The following SYT1 variants were observed in gnomAD, a reference collection of about 807,000 sequenced individuals.
The protein encoded by SYT1 is synaptotagmin 1.
Under a neutral mutation model 44.8 loss-of-function variants are expected in SYT1, and 8 were observed. The ratio of observed to expected loss-of-function variants is 0.18; its 90% CI spans 0.10 to 0.32. SYT1 has a LOEUF of 0.32. SYT1 is among the 10% of genes least tolerant of loss of function. The probability of loss-of-function intolerance (pLI) is 1.00; values close to 1 mark genes in which losing one functional copy is unlikely to be tolerated. For synonymous variants in SYT1, 154 were observed against 188.8 expected, an observed-to-expected ratio of 0.82 and a Z score of 1.51; for missense variants, 286 against 509.3, an observed-to-expected ratio of 0.56 and a Z score of 4.22.
intron 1 of SYT1, among the ~76,000 whole-genome samples, chr12:78,886,620 T>C (rs755641569): frequency 1.3e-5 from 2 of 152,044 alleles, no homozygotes; most frequent in Non-Finnish European, 2.9e-5. Context: ...ATGTTTTTAA[T>C]ACACAGTCAG....
rs369033907 is a variant in SYT1 at position 79,276,632 on chromosome 12, C to T, written c.167-9155C>T. On this transcript the variant is annotated intron_variant, in intron 4 of 10. Coordinates refer to ENST00000261205, the MANE Select transcript of SYT1 (RefSeq NM_005639.3). ...CAGAGGTTGCAGTGAGCTAAGATCG[C>T]GCCACTGCACTCTAGCCTGGTGACA... is the stretch of plus-strand genomic sequence containing the variant. 4.7e-4 allele frequency among the ~76,000 whole-genome samples: 70 copies of T among 149,980 alleles called. 1 individual carries two copies. The highest frequency in any genetic ancestry group is 3.4e-3 in the Middle Eastern group (1 of 292).
At chr12:79,010,429 G>A (rs1871340773) in intron 2 of SYT1, among the ~76,000 whole-genome samples, 1 of 152,112 alleles carries the variant, frequency 6.6e-6, no homozygotes, top group Non-Finnish European at 1.5e-5. Flanking sequence ...TGTGTTCACA[G>A]CAGGGACCAA....
At chr12:79,216,117 G>C (rs916762290) in intron 3 of SYT1, among the ~76,000 whole-genome samples, 8 of 151,656 alleles carry the variant, frequency 5.3e-5, no homozygotes, top group Non-Finnish European at 8.8e-5. Flanking sequence ...TTTTAGTAGA[G>C]ATGAGGTTTC....
At chr12:79,283,064 A>C (rs1879129909) in intron 4 of SYT1, among the ~76,000 whole-genome samples, 1 of 152,128 alleles carries the variant, frequency 6.6e-6, no homozygotes, top group South Asian at 2.1e-4. Flanking sequence ...TTTTAACATG[A>C]GCATCCAAGT....
At chr12:79,149,872 G>T (rs1465466205) in intron 3 of SYT1, among the ~76,000 whole-genome samples, 1 of 152,132 alleles carries the variant, frequency 6.6e-6, no homozygotes, top group Admixed American at 6.6e-5. Context: ...GCTCACTATA[G>T]TATCTTCAAT....
At chr12:79,384,215 G>A (rs1884337070) in intron 9 of SYT1, among the ~76,000 whole-genome samples, 1 of 152,118 alleles carries the variant, frequency 6.6e-6, no homozygotes, top group South Asian at 2.1e-4. Flanking sequence ...GCAGATTCAA[G>A]TATTGCTATT....
intron 1 of SYT1, among the ~76,000 whole-genome samples, chr12:78,951,774 C>T (rs544495506): frequency 6.6e-6 from 1 of 152,192 alleles, no homozygotes; most frequent in South Asian, 2.1e-4. Flanking sequence ...TTTTTGTTCA[C>T]CTGAGTGGGT....
chr12:79,032,978 A>G (rs113869213), intron 2 of SYT1, among the ~76,000 whole-genome samples: 97 of 151,522 alleles, frequency 6.4e-4, no homozygotes, highest in Non-Finnish European at 1.2e-3. Flanking sequence ...TGAGTTTTAT[A>G]TCAGAAGACC....
chr12:78,979,107 A>G (rs1184056890), intron 2 of SYT1, among the ~76,000 whole-genome samples: 2 of 152,106 alleles, frequency 1.3e-5, no homozygotes, highest in Non-Finnish European at 2.9e-5. Flanking sequence ...ATTTCTTTTT[A>G]AACAAAGTGG....
intron 9 of SYT1, among the ~76,000 whole-genome samples, chr12:79,368,021 A>G (rs992723030): frequency 1.3e-5 from 2 of 151,332 alleles, no homozygotes; most frequent in Admixed American, 1.3e-4. Flanking sequence ...GTCATTTAGC[A>G]TTAGGTATAT....
intron 1 of SYT1, among the ~76,000 whole-genome samples, chr12:78,946,957 A>T (rs1258824741): frequency 6.6e-6 from 1 of 152,174 alleles, no homozygotes; most frequent in Non-Finnish European, 1.5e-5. Context: ...TTTATTTCTT[A>T]TGAGTCTGCC....
At chr12:79,111,746 A>G (rs1157494596) in intron 3 of SYT1, among the ~76,000 whole-genome samples, 1 of 151,904 alleles carries the variant, frequency 6.6e-6, no homozygotes, top group Non-Finnish European at 1.5e-5. Context: ...TGCAAAAAAA[A>G]AAACTGAGAC....
chr12:79,424,046 A>G (rs1023355871), intron 9 of SYT1, among the ~76,000 whole-genome samples: 8 of 151,956 alleles, frequency 5.3e-5, no homozygotes, highest in African/African-American at 1.9e-4. Flanking sequence ...TCACCTACAA[A>G]TGTCCCTCAA....
chr12:79,428,229 A>G (rs1299722948), intron 9 of SYT1, among the ~76,000 whole-genome samples: 1 of 152,152 alleles, frequency 6.6e-6, no homozygotes, highest in Non-Finnish European at 1.5e-5. Context: ...CAGCCCTTAT[A>G]CCTGGGAAAG....
intron 4 of SYT1, among the ~76,000 whole-genome samples, chr12:79,250,076 T>C (rs1644462264): frequency 2.0e-5 from 3 of 152,218 alleles, no homozygotes; most frequent in Admixed American, 2.0e-4. Flanking sequence ...AATATTATCA[T>C]TATTTCCATT....
At chr12:78,918,535 C>T (rs1206839292) in intron 1 of SYT1, among the ~76,000 whole-genome samples, 8 of 152,026 alleles carry the variant, frequency 5.3e-5, no homozygotes, top group Non-Finnish European at 1.5e-5. Context: ...CAGGGATATG[C>T]AACTCTTGAT....
In SYT1 at chr12:79,451,580, C is replaced by T. The variant is rs1871060517; in HGVS notation, c.*2456C>T. The stretch of plus-strand genomic sequence containing the variant: ...GCAACACTGCCAGACATGGGATTGT[C>T]ACCATAGAATTAGTTGGTACTATGC... On this transcript the variant is annotated 3_prime_UTR_variant, in exon 11 of 11. Coordinates refer to ENST00000261205, the MANE Select transcript of SYT1 (RefSeq NM_005639.3). 1 of 152,326 alleles carries T rather than the reference C, an allele frequency of 6.6e-6. No individual in the cohort carries two copies. Among genetic ancestry groups the T allele is most frequent in the Admixed American group, 6.5e-5 (1 of 15,300 alleles). The allele number at this position is 152,326 out of a possible 1,614,324, so 9.4% of individuals were successfully genotyped here. A position where few individuals can be genotyped will look rare whatever the true frequency, so the allele number is the denominator to read the frequency against.
intron 4 of SYT1, among the ~76,000 whole-genome samples, chr12:79,246,071 T>A (rs1412772152): frequency 6.6e-6 from 1 of 152,122 alleles, no homozygotes; most frequent in Non-Finnish European, 1.5e-5. Flanking sequence ...TCTTTTATTT[T>A]AAAAAATAGG....
chr12:79,353,751 TCTCA>T (rs1883003310), intron 9 of SYT1, 132 bp downstream of exon 9: 1 of 715,162 alleles, frequency 1.4e-6, no homozygotes, highest in African/African-American at 1.8e-5. Context: ...CTGGAAGCAG[TCTCA>T]GAATTCATCC....
Sources: allele counts gnomAD v4.1 joint callset (sites outside exome capture counted in the v4.1 genomes callset), GRCh38; gene constraint gnomAD v4.1.1; transcripts MANE v1.5; gene names NCBI Gene and HGNC (gene_info 2026-07-23, HGNC 2026-07-21).